CLHC1: variants seen among roughly 807,000 people sequenced by gnomAD.
The protein encoded by CLHC1 is clathrin heavy chain linker domain-containing protein 1.
CLHC1 carries 72 observed loss-of-function variants against 69.5 expected under a neutral mutation model. The observed-to-expected ratio is 1.04, with a 90% CI of 0.86 to 1.26. CLHC1 has a LOEUF of 1.26. Ranked by LOEUF, CLHC1 falls within the 50% of genes most tolerant of loss-of-function variation. The pLI is 0.00. For missense variants in CLHC1, 790 were observed against 679.3 expected (o/e 1.16, Z -1.81); for synonymous variants, 223 against 224.3 (o/e 0.99, Z 0.05).
chr2:55,227,778 C>T (rs776683878), intron 2 of CLHC1, among the ~76,000 whole-genome samples: 3 of 151,976 alleles, frequency 2.0e-5, no homozygotes, highest in Non-Finnish European at 2.9e-5. Context: ...GGCTTCCTAC[C>T]GTATTACCCT....
At chr2:55,176,044 G>A (rs1019377916) in intron 12 of CLHC1, 58 bp from the exon 13 acceptor site, 2 of 1,369,190 alleles carry the variant, frequency 1.5e-6, no homozygotes, top group Non-Finnish European at 2.0e-6. Context: ...CTATACTTTA[G>A]TGATTCTTCA....
At chr2:55,211,384 C>T (rs1672987601) in intron 5 of CLHC1, among the ~76,000 whole-genome samples, 1 of 151,776 alleles carries the variant, frequency 6.6e-6, no homozygotes, top group African/African-American at 2.4e-5. Flanking sequence ...CGCCTGTAGT[C>T]CCAGCTACTC....
chr2:55,181,861 A>G, intron 9 of CLHC1, 117 bp from the exon 10 acceptor site: 1 of 760,990 alleles, frequency 1.3e-6, no homozygotes, highest in Non-Finnish European at 2.2e-6. Flanking sequence ...ATCTAAAATT[A>G]CACATTTATA....
chr2:55,209,024 C>T lies in CLHC1; in HGVS notation c.815-314G>A, dbSNP rs559589729. On this transcript the variant is annotated intron_variant, in intron 7 of 12. Transcript: ENST00000401408. ...TAGCTGGGACTACAGGTGCCTGCAA[C>T]CACACCCGGCTAATTTTTTGTATTT... is the stretch of plus-strand genomic sequence containing the variant. Among the ~76,000 whole-genome samples, 4 of 152,088 alleles carry T rather than the reference C, an allele frequency of 2.6e-5. No homozygotes were observed. In the South Asian group the frequency reaches 6.2e-4, roughly 24 times the overall value.
rs1008734063 is a variant in CLHC1 at position 55,174,656 on chromosome 2, C to T, written c.*1134G>A. On this transcript the variant is annotated 3_prime_UTR_variant, in exon 13 of 13. Coordinates refer to ENST00000401408, the MANE Select transcript of CLHC1 (RefSeq NM_152385.4). ...TTTAATATGAAGCTGTCTGACTCCC[C>T]GTTCATCTTCTTTCCACTATAACAT... 2 of 152,152 alleles carry T rather than the reference C, an allele frequency of 1.3e-5. No individual in the cohort carries two copies. The highest frequency in any genetic ancestry group is 4.8e-5 in the African/African-American group (2 of 41,448). The allele number at this position is 152,152 out of a possible 1,614,324, so 9.4% of individuals were successfully genotyped here. A position where few individuals can be genotyped will look rare whatever the true frequency, so the allele number is the denominator to read the frequency against.
intron 10 of CLHC1, among the ~76,000 whole-genome samples, chr2:55,181,137 TG>T (rs1669897482): frequency 6.6e-6 from 1 of 152,090 alleles, no homozygotes; most frequent in South Asian, 2.1e-4. Context: ...TGCGCCACCA[TG>T]CCTGGCTAAT....
chr2:55,224,596 G>C, intron 2 of CLHC1: 1 of 257,390 alleles, frequency 3.9e-6, no homozygotes, highest in Non-Finnish European at 8.0e-6. Context: ...CAAGGGGGAT[G>C]AGATGGGCCA....
At position 55,175,301 on chromosome 2, in the gene CLHC1, G is replaced by A. The variant is rs774756198; in HGVS notation, c.*489C>T. On this transcript the variant is annotated 3_prime_UTR_variant, in exon 13 of 13. Coordinates refer to ENST00000401408, the MANE Select transcript of CLHC1 (RefSeq NM_152385.4). ...ATTTATATATATCAAAGCATGGGGC[G>A]CATCTTTAAATCAGCAGTACAAAAT... The A allele has an allele frequency of 4.3e-4, 66 of 153,154 alleles. No individual in the cohort carries two copies. The highest frequency in any genetic ancestry group is 7.9e-4 in the Non-Finnish European group (54 of 68,672). The allele number at this position is 153,154 out of a possible 1,614,324, so 9.5% of individuals were successfully genotyped here.
intron 4 of CLHC1, among the ~76,000 whole-genome samples, chr2:55,216,920 T>C (rs57885021): frequency 0.026 from 3,964 of 152,082 alleles, 175 homozygotes; most frequent in African/African-American, 0.091. Flanking sequence ...GGCTGGGGCA[T>C]GCAGATCGCT....
At chr2:55,228,241 C>G (rs1226271652) in intron 1 of CLHC1, 37 bp from the exon 2 acceptor site, 1 of 152,260 alleles carries the variant, frequency 6.6e-6, no homozygotes, top group East Asian at 1.9e-4. Context: ...AAAATGTTCT[C>G]TTTCCCCATC....
At chr2:55,219,180 G>C (rs1673871682) in intron 3 of CLHC1, among the ~76,000 whole-genome samples, 1 of 152,078 alleles carries the variant, frequency 6.6e-6, no homozygotes, top group African/African-American at 2.4e-5. Context: ...TCTACTTCAT[G>C]AACTCCTCTG....
rs562741358 is a variant in CLHC1 at position 55,203,654 on chromosome 2, C to A, written c.1006+2616G>T. On this transcript the variant is annotated intron_variant, in intron 9 of 12. Transcript: ENST00000401408. ...CCCCTATCTCTTGTCATAGAAAAAACCAAATCAAAATGGATTAAATATTTA... is the reference window on the plus strand; with the variant it reads ...CCCCTATCTCTTGTCATAGAAAAAAACAAATCAAAATGGATTAAATATTTA... Among the ~76,000 whole-genome samples, 34 of 152,144 alleles carry A rather than the reference C, an allele frequency of 2.2e-4. No homozygotes were observed. In the Middle Eastern group the frequency reaches 0.014, roughly 61 times the overall value.
intron 8 of CLHC1, among the ~76,000 whole-genome samples, chr2:55,207,674 G>A (rs1672579044): frequency 6.6e-6 from 1 of 152,152 alleles, no homozygotes; most frequent in Non-Finnish European, 1.5e-5. Flanking sequence ...TATTAAAAAT[G>A]TTTAAAAATG....
intron 9 of CLHC1, among the ~76,000 whole-genome samples, chr2:55,199,286 G>A: frequency 1.1e-5 from 1 of 93,432 alleles, no homozygotes; most frequent in South Asian, 4.1e-4. Flanking sequence ...AAAAGAGTGA[G>A]ACTCCATCTC....
At chr2:55,195,436 T>C (rs550147463) in intron 9 of CLHC1, among the ~76,000 whole-genome samples, 9 of 152,264 alleles carry the variant, frequency 5.9e-5, no homozygotes, top group Admixed American at 2.6e-4. Flanking sequence ...TGTTAAAATA[T>C]CCAGGAAGGC....
intron 5 of CLHC1, 72 bp downstream of exon 5, chr2:55,212,601 T>A: frequency 1.7e-6 from 2 of 1,204,522 alleles, no homozygotes; most frequent in Non-Finnish European, 1.2e-6. Flanking sequence ...CACATTTATA[T>A]TAATGCATGC....
In CLHC1 at chr2:55,206,274, A is replaced by C; in HGVS notation, c.1002T>G (p.Phe334Leu). ...GGTTCAGAGAGAAATGCTTACCCTT[A>C]AATGTATTCATTGTACCAATGTTTC... ...ILRNIGTMNT[F>L]KAVGKIRGKP... The change falls in exon 9 of 13, where the codon TTT becomes TTG. Residue 334 changes from phenylalanine (F) to leucine (L), a missense_variant. Transcript: ENST00000401408. 1 of 1,563,886 alleles carries C rather than the reference A, an allele frequency of 6.4e-7. No homozygotes were observed. The highest frequency in any genetic ancestry group is 8.8e-7 in the Non-Finnish European group (1 of 1,135,004).
intron 4 of CLHC1, among the ~76,000 whole-genome samples, chr2:55,216,562 G>A (rs535149708): frequency 2.2e-3 from 332 of 151,104 alleles, no homozygotes; most frequent in Non-Finnish European, 2.8e-3. Flanking sequence ...TTGAGATGGC[G>A]TCTCGCTCTG....
intron 9 of CLHC1, among the ~76,000 whole-genome samples, chr2:55,190,723 T>C (rs1167481915): frequency 6.6e-6 from 1 of 152,120 alleles, no homozygotes; most frequent in Non-Finnish European, 1.5e-5. Flanking sequence ...GGACAAAGAA[T>C]AAATGAGCTG....
Sources: gnomAD v4.1 joint callset for allele counts (sites outside exome capture counted in the v4.1 genomes callset) on GRCh38, gnomAD v4.1.1 for gene constraint, MANE v1.5 for transcripts, NCBI Gene and HGNC (gene_info 2026-07-23, HGNC 2026-07-21) for gene names.